Variants in CTNNA2 observed in about 807,000 individuals in gnomAD.
The protein encoded by CTNNA2 is catenin alpha 2.
CTNNA2 carries 42 observed loss-of-function variants against 101.0 expected under a neutral mutation model. That is an observed-to-expected ratio of 0.42 (90% confidence interval 0.32 to 0.54). CTNNA2 has a LOEUF of 0.54. Ranked by LOEUF, CTNNA2 falls within the 20% of genes least tolerant of loss-of-function variation. The probability of loss-of-function intolerance (pLI) is 0.14; values close to 1 mark genes in which losing one functional copy is unlikely to be tolerated. For synonymous variants in CTNNA2, 450 were observed against 456.4 expected, an observed-to-expected ratio of 0.99 and a Z score of 0.18; for missense variants, 871 against 1,223.1, an observed-to-expected ratio of 0.71 and a Z score of 4.29.
chr2:79,212,404 T>C (rs1201397837), intron 2 of CTNNA2, among the ~76,000 whole-genome samples: 2 of 152,182 alleles, frequency 1.3e-5, no homozygotes, highest in African/African-American at 2.4e-5. Flanking sequence ...CTGTACCCTG[T>C]AGCATTCTGA....
Position 80,389,599 on chromosome 2 carries a change from G to A in CTNNA2, c.1057-3612G>A, listed in dbSNP as rs114023854. 2.6e-3 allele frequency among the ~76,000 whole-genome samples: 389 copies of A among 152,266 alleles called. 1 individual carries two copies. Among genetic ancestry groups the A allele is most frequent in the African/African-American group, 9.0e-3 (372 of 41,552 alleles). Reference sequence around the variant, plus strand: ...AATTATGGCCACATTTAGACATACAGAGCTGAGGAAAGTAGGACATAATGG... The same window carrying A: ...AATTATGGCCACATTTAGACATACAAAGCTGAGGAAAGTAGGACATAATGG... On this transcript the variant is annotated intron_variant, in intron 7 of 18. Coordinates refer to ENST00000402739, the MANE Select transcript of CTNNA2 (RefSeq NM_001282597.3).
chr2:79,319,780 A>C (rs1211616241), intron 3 of CTNNA2: 2 of 152,180 alleles, frequency 1.3e-5, no homozygotes, highest in African/African-American at 4.8e-5. Flanking sequence ...AGTAAGAGGC[A>C]TTTGAGAATT....
intron 4 of CTNNA2, among the ~76,000 whole-genome samples, chr2:79,865,170 A>C (rs376447801): frequency 2.5e-4 from 38 of 152,270 alleles, no homozygotes; most frequent in African/African-American, 8.9e-4. Flanking sequence ...TGATGAAATC[A>C]TTTTTTTCTT....
intron 3 of CTNNA2, among the ~76,000 whole-genome samples, chr2:79,345,150 T>C (rs1411151867): frequency 6.6e-6 from 1 of 151,672 alleles, no homozygotes; most frequent in African/African-American, 2.4e-5. Context: ...AATAAAACAT[T>C]ATAGTATGAT....
chr2:79,705,467 A>G (rs2104778905), intron 2 of CTNNA2, among the ~76,000 whole-genome samples: 1 of 152,318 alleles, frequency 6.6e-6, no homozygotes, highest in Admixed American at 6.5e-5. Flanking sequence ...AAAACAGTAT[A>G]CATAGGGTTC....
intron 7 of CTNNA2, among the ~76,000 whole-genome samples, chr2:80,022,443 G>T (rs1694629646): frequency 1.3e-5 from 2 of 152,256 alleles, no homozygotes; most frequent in Admixed American, 1.3e-4. Context: ...GAAAGCGTTT[G>T]ATCTGAGAGC....
chr2:79,822,441 C>A (rs1314747801), intron 3 of CTNNA2, among the ~76,000 whole-genome samples: 1 of 152,094 alleles, frequency 6.6e-6, no homozygotes, highest in Non-Finnish European at 1.5e-5. Context: ...GTATAAAAAT[C>A]TTATAGCACT....
intron 2 of CTNNA2, among the ~76,000 whole-genome samples, chr2:79,266,384 T>C (rs1366091332): frequency 6.6e-6 from 1 of 152,206 alleles, no homozygotes; most frequent in East Asian, 1.9e-4. Flanking sequence ...CAAGTGTCAG[T>C]TACCCACCGT....
At position 79,912,384 on chromosome 2, in the gene CTNNA2, G is replaced by A. The variant is rs535367624; in HGVS notation, c.1056+2587G>A. On this transcript the variant is annotated intron_variant, in intron 7 of 18. Transcript: ENST00000402739. ...GGAGCATGGGCTATGACTTAGCCAC[G>A]TAGCTTCCATTGAGCTCAATAGGAT... 2.6e-5 allele frequency among the ~76,000 whole-genome samples: 4 copies of A among 152,322 alleles called. 1 individual carries two copies. Among genetic ancestry groups the A allele is most frequent in the African/African-American group, 7.2e-5 (3 of 41,590 alleles).
intron 7 of CTNNA2, among the ~76,000 whole-genome samples, chr2:80,221,675 G>T (rs1309443493): frequency 1.3e-5 from 2 of 152,170 alleles, no homozygotes; most frequent in African/African-American, 2.4e-5. Context: ...CATGGAAGAA[G>T]GGTGGAAATG....
chr2:80,465,192 C>A (rs982773891), intron 9 of CTNNA2, among the ~76,000 whole-genome samples: 1 of 152,142 alleles, frequency 6.6e-6, no homozygotes, highest in African/African-American at 2.4e-5. Context: ...GTGAATTAAT[C>A]TTTTCAACCT....
chr2:79,738,917 A>T (rs1671087647), intron 2 of CTNNA2, among the ~76,000 whole-genome samples: 1 of 152,200 alleles, frequency 6.6e-6, no homozygotes, highest in African/African-American at 2.4e-5. Flanking sequence ...TTGTTCCATT[A>T]CATCTATCTA....
intron 18 of CTNNA2, among the ~76,000 whole-genome samples, chr2:80,645,890 A>G (rs1009656498): frequency 6.6e-6 from 1 of 152,174 alleles, no homozygotes; most frequent in Non-Finnish European, 1.5e-5. Flanking sequence ...AAGCAATTAT[A>G]TAAAACATCT....
intron 1 of CTNNA2, among the ~76,000 whole-genome samples, chr2:79,609,760 A>G (rs1010057980): frequency 3.3e-5 from 5 of 152,144 alleles, no homozygotes; most frequent in Admixed American, 6.5e-5. Flanking sequence ...CAAAAAAATG[A>G]TCTTCAATCC....
chr2:79,332,940 T>C (rs545210110), intron 3 of CTNNA2, among the ~76,000 whole-genome samples: 2 of 145,292 alleles, frequency 1.4e-5, no homozygotes, highest in African/African-American at 5.4e-5. Flanking sequence ...GATTTACTGC[T>C]CTAAATGGAA....
intron 7 of CTNNA2, among the ~76,000 whole-genome samples, chr2:80,166,394 G>T (rs192890199): frequency 6.6e-6 from 1 of 152,124 alleles, no homozygotes; most frequent in African/African-American, 2.4e-5. Flanking sequence ...CCATGCCTAG[G>T]CAGTGAAGCT....
intron 3 of CTNNA2, among the ~76,000 whole-genome samples, chr2:79,805,921 G>C (rs1676538586): frequency 2.0e-5 from 3 of 150,026 alleles, no homozygotes; most frequent in African/African-American, 7.4e-5. Context: ...CTGGGCGACA[G>C]AGCAAGACTG....
intron 3 of CTNNA2, among the ~76,000 whole-genome samples, chr2:79,855,457 T>G (rs945818341): frequency 2.0e-5 from 3 of 152,192 alleles, no homozygotes; most frequent in Admixed American, 1.3e-4. Flanking sequence ...AAGGAGTCGT[T>G]CTAGGCCCTC....
At chr2:80,039,810 T>C (rs1695917895) in intron 7 of CTNNA2, among the ~76,000 whole-genome samples, 1 of 152,226 alleles carries the variant, frequency 6.6e-6, no homozygotes, top group African/African-American at 2.4e-5. Context: ...AGTTTCTTTT[T>C]ATCTGAATTC....
Sources: gnomAD v4.1 joint callset for allele counts (sites outside exome capture counted in the v4.1 genomes callset) on GRCh38, gnomAD v4.1.1 for gene constraint, MANE v1.5 for transcripts, NCBI Gene and HGNC (gene_info 2026-07-23, HGNC 2026-07-21) for gene names.